The following ARHGEF26 variants were observed in gnomAD, a reference collection of about 807,000 sequenced individuals.
ARHGEF26 encodes the protein Rho guanine nucleotide exchange factor 26.
Under a neutral mutation model 89.4 loss-of-function variants are expected in ARHGEF26, and 59 were observed. The observed-to-expected ratio is 0.66, with a 90% CI of 0.54 to 0.82. The LOEUF is 0.82. Ranked by LOEUF, ARHGEF26 falls within the 40% of genes least tolerant of loss-of-function variation. ARHGEF26 has a pLI of 0.00. For synonymous variants in ARHGEF26, 500 were observed against 428.4 expected, an observed-to-expected ratio of 1.17 and a Z score of -2.06; for missense variants, 1,234 against 1,085.6, an observed-to-expected ratio of 1.14 and a Z score of -1.92.
chr3:154,219,751 A>G (rs1716001784), intron 10 of ARHGEF26, among the ~76,000 whole-genome samples: 1 of 151,502 alleles, frequency 6.6e-6, no homozygotes, highest in Non-Finnish European at 1.5e-5. Context: ...TTTTCTACTA[A>G]AAATACAAAA....
At chr3:154,219,465 G>A (rs1351455166) in intron 10 of ARHGEF26, among the ~76,000 whole-genome samples, 2 of 151,802 alleles carry the variant, frequency 1.3e-5, no homozygotes, top group South Asian at 2.1e-4. Context: ...TGTAGTGGCA[G>A]GCACCTGTAA....
At chr3:154,191,228 C>A in intron 7 of ARHGEF26, 61 bp from the exon 8 acceptor site, 1 of 1,516,544 alleles carries the variant, frequency 6.6e-7, no homozygotes, top group South Asian at 1.2e-5. Context: ...TACATTTTTA[C>A]TTGCTGCTTA....
intron 11 of ARHGEF26, among the ~76,000 whole-genome samples, chr3:154,228,577 C>G (rs1207470123): frequency 6.7e-6 from 1 of 150,224 alleles, no homozygotes; most frequent in African/African-American, 2.5e-5. Context: ...CCAATTAGTT[C>G]ATTATATTTC....
intron 9 of ARHGEF26, among the ~76,000 whole-genome samples, chr3:154,200,490 A>G (rs1468248206): frequency 6.6e-6 from 1 of 151,968 alleles, no homozygotes; most frequent in Admixed American, 6.6e-5. Flanking sequence ...AAGTCAGGTA[A>G]AGTCATTCTT....
At position 154,122,608 on chromosome 3, in the gene ARHGEF26, C is replaced by T. The variant is rs775934623; in HGVS notation, c.616C>T (p.Pro206Ser). 6.2e-7 allele frequency: 1 copy of T among 1,613,720 alleles called. No individual in the cohort carries two copies. The highest frequency in any genetic ancestry group is 8.5e-7 in the Non-Finnish European group (1 of 1,179,880). ...CCCCGAACGGGGGCTCTTTCCTGGG[C>T]CCCAGAAAAGTTCTTCGGAACAAAA... ...KDPERGLFPG[P>S]QKSSSEQKLP... The change falls in exon 2 of 15, where the codon CCC becomes TCC. Residue 206 changes from proline to serine, a missense_variant. Pro to Ser is a moderately conservative substitution (Grantham distance 74, BLOSUM62 -1). Coordinates refer to ENST00000465093, the MANE Select transcript of ARHGEF26 (RefSeq NM_015595.4).
chr3:154,123,138 G>A (rs1229636090), intron 2 of ARHGEF26, 63 bp downstream of exon 2: 33 of 1,589,592 alleles, frequency 2.1e-5, no homozygotes, highest in Admixed American at 1.9e-4. Context: ...GTTGGGAGTG[G>A]GGAGGAGGAG....
At chr3:154,207,443 A>G (rs1266926295) in intron 9 of ARHGEF26, among the ~76,000 whole-genome samples, 1 of 152,238 alleles carries the variant, frequency 6.6e-6, no homozygotes, top group Non-Finnish European at 1.5e-5. Flanking sequence ...GGCAAAGGAC[A>G]TGAACAGACA....
intron 6 of ARHGEF26, among the ~76,000 whole-genome samples, chr3:154,155,710 A>G (rs1348919493): frequency 6.6e-6 from 1 of 150,926 alleles, no homozygotes; most frequent in Non-Finnish European, 1.5e-5. Flanking sequence ...GTATCCTTAA[A>G]TAGACTGCCC....
chr3:154,175,444 G>T (rs989440524), intron 6 of ARHGEF26, among the ~76,000 whole-genome samples: 1 of 151,568 alleles, frequency 6.6e-6, no homozygotes, highest in Non-Finnish European at 1.5e-5. Context: ...AAAAAAAAAA[G>T]TGCAAGGAAT....
chr3:154,131,714 T>C (rs1353215207), intron 4 of ARHGEF26, among the ~76,000 whole-genome samples: 1 of 152,230 alleles, frequency 6.6e-6, no homozygotes, highest in Non-Finnish European at 1.5e-5. Context: ...ATCGTGCTGT[T>C]GGTCTCTGAA....
In ARHGEF26 at chr3:154,157,741, T is replaced by G. The variant is rs1329047271; in HGVS notation, c.1487+4809T>G. Among the ~76,000 whole-genome samples the G allele has an allele frequency of 2.0e-5, 3 of 151,922 alleles. No individual in the cohort carries two copies. The East Asian group carries it at 5.8e-4, about 29-fold the overall frequency. ...CTACCTGGTTGACTATCATTGGAAATTGTATTAACCAGGATATAAGAGAAA... is the reference window on the plus strand; with the variant it reads ...CTACCTGGTTGACTATCATTGGAAAGTGTATTAACCAGGATATAAGAGAAA... On this transcript the variant is annotated intron_variant, in intron 6 of 14. Transcript: ENST00000465093.
chr3:154,156,859 T>C (rs1306258588), intron 6 of ARHGEF26, among the ~76,000 whole-genome samples: 1 of 152,210 alleles, frequency 6.6e-6, no homozygotes. Context: ...GTAAGCATGG[T>C]ATTGTTAAGT....
At chr3:154,127,564 C>T (rs2108042408) in intron 3 of ARHGEF26, among the ~76,000 whole-genome samples, 1 of 151,486 alleles carries the variant, frequency 6.6e-6, no homozygotes, top group South Asian at 2.1e-4. Flanking sequence ...GGAATACCTC[C>T]TGAAGGACCT....
chr3:154,238,568 C>T (rs536954072), intron 11 of ARHGEF26, among the ~76,000 whole-genome samples: 2 of 152,296 alleles, frequency 1.3e-5, no homozygotes, highest in East Asian at 3.9e-4. Context: ...TCTGAAATTC[C>T]TCCTAGTGTA....
intron 4 of ARHGEF26, among the ~76,000 whole-genome samples, chr3:154,146,225 TA>T (rs760269849): frequency 1.3e-5 from 2 of 152,330 alleles, no homozygotes; most frequent in Non-Finnish European, 2.9e-5. Context: ...GTAGAAGGGT[TA>T]GGGGTTTCTC....
intron 10 of ARHGEF26, among the ~76,000 whole-genome samples, chr3:154,218,531 T>C (rs1363550572): frequency 6.6e-6 from 1 of 152,250 alleles, no homozygotes; most frequent in Non-Finnish European, 1.5e-5. Flanking sequence ...ATCTAGGTCA[T>C]GGCCATTCTT....
At chr3:154,170,593 G>A (rs867403439) in intron 6 of ARHGEF26, among the ~76,000 whole-genome samples, 9 of 152,274 alleles carry the variant, frequency 5.9e-5, no homozygotes, top group Admixed American at 5.2e-4. Flanking sequence ...GTGACCTTGA[G>A]CAAAATACCT....
intron 4 of ARHGEF26, among the ~76,000 whole-genome samples, chr3:154,143,466 A>C (rs1337579936): frequency 6.6e-6 from 1 of 152,140 alleles, no homozygotes; most frequent in Non-Finnish European, 1.5e-5. Flanking sequence ...TAGCTCCTCA[A>C]ATAAGTGGAT....
At position 154,195,359 on chromosome 3, in the gene ARHGEF26, A is replaced by T. The variant is rs138000615; in HGVS notation, c.1845+641A>T. Among the ~76,000 whole-genome samples, 751 of 152,318 alleles carry T rather than the reference A, an allele frequency of 4.9e-3. 6 individuals carry two copies. The highest frequency in any genetic ancestry group is 0.017 in the African/African-American group (697 of 41,568). On this transcript the variant is annotated intron_variant, in intron 9 of 14. Coordinates refer to ENST00000465093, the MANE Select transcript of ARHGEF26 (RefSeq NM_015595.4). ...CCAGCTGTGTGGGGCCTTGTTATAC[A>T]TGCTAGGCTGTTGGGGGCCTGATCG... is the stretch of plus-strand genomic sequence containing the variant.
Sources: allele counts gnomAD v4.1 joint callset (sites outside exome capture counted in the v4.1 genomes callset), GRCh38; gene constraint gnomAD v4.1.1; transcripts MANE v1.5; gene names NCBI Gene and HGNC (gene_info 2026-07-23, HGNC 2026-07-21).